RNF150: variants seen among roughly 807,000 people sequenced by gnomAD.
RNF150 encodes the protein ring finger protein 150.
In RNF150, 24 loss-of-function variants were observed where a neutral mutation model predicts 39.3. The ratio of observed to expected loss-of-function variants is 0.61; its 90% CI spans 0.44 to 0.86. The LOEUF (loss-of-function observed/expected upper bound fraction) is 0.86, where lower values mean the gene tolerates loss of function less well. RNF150 is among the 40% of genes least tolerant of loss of function. RNF150 has a pLI of 0.00. For synonymous variants in RNF150, 255 were observed against 227.3 expected (o/e 1.12, Z -1.10); for missense variants, 502 against 587.8 (o/e 0.85, Z 1.51).
chr4:140,933,051 G>T (rs1368897743), intron 4 of RNF150, among the ~76,000 whole-genome samples: 2 of 152,188 alleles, frequency 1.3e-5, no homozygotes, highest in Non-Finnish European at 2.9e-5. Flanking sequence ...TGGGGCTGTT[G>T]TAAGGGTTAA....
At position 141,096,783 on chromosome 4, in the gene RNF150, C is replaced by T. The variant is rs548598086; in HGVS notation, c.484+35542G>A. ...TTACAAAACCACATATTCCGTTACA[C>T]AGACAAGGGACCTCAAAGTCCTGCT... On this transcript the variant is annotated intron_variant, in intron 1 of 6. Coordinates refer to ENST00000515673, the MANE Select transcript of RNF150 (RefSeq NM_020724.2). Among the ~76,000 whole-genome samples the T allele has an allele frequency of 5.3e-4, 81 of 152,350 alleles. 1 individual carries two copies. Among genetic ancestry groups the T allele is most frequent in the African/African-American group, 1.9e-3 (78 of 41,590 alleles).
At chr4:141,059,176 A>AC (rs1737112576) in intron 1 of RNF150, among the ~76,000 whole-genome samples, 1 of 152,082 alleles carries the variant, frequency 6.6e-6, no homozygotes, top group South Asian at 2.1e-4. Context: ...TTCCTACAGG[A>AC]CCCATTCCTT....
chr4:141,064,449 A>G (rs1280760014), intron 1 of RNF150, among the ~76,000 whole-genome samples: 1 of 152,068 alleles, frequency 6.6e-6, no homozygotes, highest in African/African-American at 2.4e-5. Flanking sequence ...ATTACAATAA[A>G]GCTAATCACC....
chr4:141,096,487 C>T lies in RNF150; in HGVS notation c.484+35838G>A, dbSNP rs538878909. ...TGCTAGGATTACAGGCGTGAGTCAC[C>T]GTGCCCAGCCAAGAGTTTTTAGCTT... On this transcript the variant is annotated intron_variant, in intron 1 of 6. Coordinates refer to ENST00000515673, the MANE Select transcript of RNF150 (RefSeq NM_020724.2). Among the ~76,000 whole-genome samples, 56 of 152,148 alleles carry T rather than the reference C, an allele frequency of 3.7e-4. 2 individuals carry two copies. In the South Asian group the frequency reaches 0.01, roughly 28 times the overall value.
chr4:141,004,230 A>T (rs1381174089), intron 1 of RNF150, among the ~76,000 whole-genome samples: 1 of 88,870 alleles, frequency 1.1e-5, no homozygotes, highest in African/African-American at 4.0e-5. Context: ...AGATGTTAGT[A>T]AAAAAAAAAA....
At chr4:140,904,529 C>T (rs1730306614) in intron 6 of RNF150, among the ~76,000 whole-genome samples, 1 of 152,200 alleles carries the variant, frequency 6.6e-6, no homozygotes, top group East Asian at 1.9e-4. Flanking sequence ...ATCAAAAAAG[C>T]AGACATGGCT....
intron 4 of RNF150, among the ~76,000 whole-genome samples, chr4:140,935,046 A>AAAT (rs1553993278): frequency 0.24 from 22,301 of 92,892 alleles, 2,605 homozygotes; most frequent in East Asian, 0.58. Context: ...TATATATATA[A>AAAT]ATATATATAT....
intron 1 of RNF150, among the ~76,000 whole-genome samples, chr4:140,980,718 C>T (rs946545263): frequency 3.5e-4 from 53 of 152,100 alleles, no homozygotes; most frequent in Admixed American, 3.4e-3. Context: ...ATGTGAAGAA[C>T]GTGTTTGCTT....
upstream of RNF150, among the ~76,000 whole-genome samples, chr4:141,136,581 T>C (rs982297009): frequency 1.3e-5 from 2 of 151,988 alleles, no homozygotes; most frequent in African/African-American, 4.8e-5. Context: ...CAATGAGCGC[T>C]TGCTATACCA....
chr4:141,038,864 C>T (rs1446091053), intron 1 of RNF150, among the ~76,000 whole-genome samples: 1 of 152,006 alleles, frequency 6.6e-6, no homozygotes, highest in Non-Finnish European at 1.5e-5. Context: ...CCCCCTAATG[C>T]CAGAAGAGGA....
chr4:140,915,072 A>G (rs1339982247), intron 5 of RNF150, among the ~76,000 whole-genome samples: 2 of 152,222 alleles, frequency 1.3e-5, no homozygotes, highest in South Asian at 2.1e-4. Context: ...GATGAAATTC[A>G]TAAATACGAT....
At chr4:141,186,267 A>G (rs2111195267) in intron 1 of RNF150, among the ~76,000 whole-genome samples, 2 of 152,300 alleles carry the variant, frequency 1.3e-5, no homozygotes, top group South Asian at 4.1e-4. Flanking sequence ...GAGAAGGTGT[A>G]TGTGGCCAGG....
chr4:141,184,948 T>G (rs1020789989), intron 1 of RNF150, among the ~76,000 whole-genome samples: 8 of 152,000 alleles, frequency 5.3e-5, no homozygotes, highest in Non-Finnish European at 1.0e-4. Context: ...TAGTTTGAAG[T>G]CAGGTAGCCT....
chr4:141,014,156 G>A (rs1735175979), intron 1 of RNF150, among the ~76,000 whole-genome samples: 1 of 152,090 alleles, frequency 6.6e-6, no homozygotes, highest in African/African-American at 2.4e-5. Context: ...ATTGTTGCAA[G>A]TAACAGGATT....
In RNF150 at chr4:141,132,228, C is replaced by A. The variant is rs865836985; in HGVS notation, c.484+97G>T. 20 of 1,302,504 alleles carry A rather than the reference C, an allele frequency of 1.5e-5. No individual in the cohort carries two copies. In the African/African-American group the frequency reaches 2.7e-4, roughly 18 times the overall value. 80.7% of individuals were successfully genotyped at this position (1,302,504 alleles called of 1,614,324 possible). A position where few individuals can be genotyped will look rare whatever the true frequency, so the allele number is the denominator to read the frequency against. The stretch of plus-strand genomic sequence containing the variant: ...ACCCAGACACGTCTTCCGCGCCGCA[C>A]GGACTTCCCAGAAGGAGCCTGGAGG... On this transcript the variant is annotated intron_variant, in intron 1 of 6. Transcript: ENST00000515673. This position sits in a 1 kb window ranked among gnomAD's most constrained non-coding sequence, Gnocchi z 4.9.
At chr4:141,156,999 T>C (rs1285795060) in intron 1 of RNF150, among the ~76,000 whole-genome samples, 2 of 152,174 alleles carry the variant, frequency 1.3e-5, no homozygotes, top group Non-Finnish European at 2.9e-5. Context: ...TTGTGGTGAA[T>C]ATGTAAGGAT....
At chr4:140,994,903 T>A (rs1734314829) in intron 1 of RNF150, among the ~76,000 whole-genome samples, 2 of 152,180 alleles carry the variant, frequency 1.3e-5, no homozygotes, top group South Asian at 4.1e-4. Flanking sequence ...GGTATTTTGA[T>A]ACAAGCATAC....
At chr4:141,123,226 G>A (rs536827968) in intron 1 of RNF150, among the ~76,000 whole-genome samples, 83 of 152,278 alleles carry the variant, frequency 5.5e-4, no homozygotes, top group Non-Finnish European at 9.6e-4. Flanking sequence ...CACTTTCTGC[G>A]TGCCAGGGAC....
chr4:141,147,037 T>C (rs560128737), intron 1 of RNF150, among the ~76,000 whole-genome samples: 1 of 152,290 alleles, frequency 6.6e-6, no homozygotes, highest in African/African-American at 2.4e-5. Context: ...TTATGGCCAC[T>C]GCAACCTCCC....
Sources: gnomAD v4.1 joint callset for allele counts (sites outside exome capture counted in the v4.1 genomes callset) on GRCh38, gnomAD v4.1.1 for gene constraint, Gnocchi (gnomAD v3.1) non-coding constraint, MANE v1.5 for transcripts, NCBI Gene and HGNC (gene_info 2026-07-23, HGNC 2026-07-21) for gene names.